Variants in PRAM1 observed in about 807,000 individuals in gnomAD.
PRAM1 encodes PML-RARA-regulated adapter molecule 1.
In PRAM1, 41 loss-of-function variants were observed where a neutral mutation model predicts 55.3. The ratio of observed to expected loss-of-function variants is 0.74; its 90% CI spans 0.58 to 0.96. The LOEUF (loss-of-function observed/expected upper bound fraction) is 0.96. Among genes scored for constraint, PRAM1 ranks in the 40% least tolerant of loss-of-function variants. PRAM1 has a pLI of 0.00. For missense variants in PRAM1, 898 were observed against 892.7 expected, an observed-to-expected ratio of 1.01 and a Z score of -0.08; for synonymous variants, 401 against 387.1, an observed-to-expected ratio of 1.04 and a Z score of -0.42.
At position 8,499,360 on chromosome 19, in the gene PRAM1, C is replaced by T. The variant is rs754712191; in HGVS notation, c.448G>A (p.Glu150Lys). The T allele has an allele frequency of 6.1e-5, 99 of 1,612,798 alleles. No homozygotes were observed. The highest frequency in any genetic ancestry group is 1.2e-4 in the Admixed American group (7 of 59,932). The change falls in exon 2 of 10, where the codon GAG becomes AAG. Residue 150 changes from glutamate to lysine, a missense_variant. Glu to Lys is a moderately conservative substitution (Grantham distance 56). Around this residue, in one of 4 missense-constraint regions of PRAM1, gnomAD observed 787 missense variants for 735.4 expected, o/e 1.07. Transcript: ENST00000423345. ...PRKPLQPEVG[E>K]APLKASLPEP... Reference sequence around the variant, plus strand: ...GGCAGCGAGGCCTTCAAAGGGGCCTCACCGACCTCAGGCTGCAGGGGCTTC... The same window carrying T: ...GGCAGCGAGGCCTTCAAAGGGGCCTTACCGACCTCAGGCTGCAGGGGCTTC...
chr19:8,501,727 G>A (rs1213670666), intron 1 of PRAM1, among the ~76,000 whole-genome samples: 1 of 152,042 alleles, frequency 6.6e-6, no homozygotes, highest in Non-Finnish European at 1.5e-5. Flanking sequence ...GCCTGGAGAC[G>A]GCCATGCGGT....
At chr19:8,496,595 C>T (rs183184554) in intron 4 of PRAM1, among the ~76,000 whole-genome samples, 34 of 151,026 alleles carry the variant, frequency 2.3e-4, no homozygotes, top group Admixed American at 1.6e-3. Context: ...CTTGGTGGCA[C>T]GTGCCTGTAA....
Position 8,499,449 on chromosome 19 carries a change from G to T in PRAM1, c.359C>A (p.Ser120Tyr), listed in dbSNP as rs1191797610. The change falls in exon 2 of 10, where the codon TCC becomes TAC. Residue 120 changes from serine (S) to tyrosine (Y), a missense_variant. Ser to Tyr is a moderately radical substitution (Grantham distance 144). This residue lies in a region of PRAM1 where 30 missense variants were observed against 44.6 expected (regional missense o/e 0.67). Transcript: ENST00000423345. Reference protein sequence around the residue: ...PEVTDLPKKPSKLELSDLSKK... With the variant: ...PEVTDLPKKPYKLELSDLSKK... ...GGAGAGGTCACTCAACTCCAGTTTGGACGGCTTCTTGGGGAGGTCAGTGAC... is the reference window on the plus strand; with the variant it reads ...GGAGAGGTCACTCAACTCCAGTTTGTACGGCTTCTTGGGGAGGTCAGTGAC... The T allele has an allele frequency of 3.1e-6, 5 of 1,611,942 alleles. No individual in the cohort carries two copies. The highest frequency in any genetic ancestry group is 4.2e-6 in the Non-Finnish European group (5 of 1,179,750).
Position 8,490,788 on chromosome 19 carries a change from T to C in PRAM1, c.1744-32A>G. On this transcript the variant is annotated intron_variant, in intron 6 of 9. Transcript: ENST00000423345. The surrounding 1 kb of genome is among the most constrained non-coding windows in gnomAD (Gnocchi z 7.3). Reference sequence around the variant, plus strand: ...CGCGAGATGTTAGGGCCTCTGCTTGTGCTGCCGCCCTTGGGCCCCTGTCTT... The same window carrying C: ...CGCGAGATGTTAGGGCCTCTGCTTGCGCTGCCGCCCTTGGGCCCCTGTCTT... The C allele has an allele frequency of 6.2e-7, 1 of 1,606,840 alleles. No homozygotes were observed. Among genetic ancestry groups the C allele is most frequent in the Non-Finnish European group, 8.5e-7 (1 of 1,178,958 alleles).
At position 8,498,689 on chromosome 19, in the gene PRAM1, C is replaced by T; in HGVS notation, c.1119G>A (p.Glu373=). ...SAVLKRHPQP[E]FFGDLPRKPP... ...GCTTTCGAGGGAGATCACCGAAGAA[C>T]TCAGGCTGCGGGTGTCTCTTGAGGA... Residue 373 remains glutamate (E), a synonymous_variant, in exon 2 of 10, where the codon GAG becomes GAA. Coordinates refer to ENST00000423345, the MANE Select transcript of PRAM1 (RefSeq NM_032152.5). The T allele has an allele frequency of 6.2e-7, 1 of 1,605,162 alleles. No individual in the cohort carries two copies. The highest frequency in any genetic ancestry group is 8.5e-7 in the Non-Finnish European group (1 of 1,176,314).
chr19:8,491,597 T>C (rs1599876748), intron 4 of PRAM1: 1 of 213,660 alleles, frequency 4.7e-6, no homozygotes, highest in Non-Finnish European at 9.5e-6. Context: ...TCCCACCAGG[T>C]CCCCTCCCAA....
chr19:8,496,072 G>T (rs1409222644), intron 4 of PRAM1: 1 of 456,066 alleles, frequency 2.2e-6, no homozygotes, highest in African/African-American at 2.0e-5. Flanking sequence ...CTGAGTTTCA[G>T]GCCCAAGTTC....
At chr19:8,494,231 G>C (rs1044909932) in intron 4 of PRAM1, among the ~76,000 whole-genome samples, 2 of 152,210 alleles carry the variant, frequency 1.3e-5, no homozygotes, top group African/African-American at 4.8e-5. Flanking sequence ...TCCTAGCCTC[G>C]GAAGAGGTGG....
chr19:8,490,586 G>C lies in PRAM1; in HGVS notation c.1906+8C>G. ...ACCTCCCGGGGCTGCGGGGCCGGGC[G>C]CACTCACATTTGCCTTTGGGGTCCC... On this transcript the variant is annotated splice_region_variant and intron_variant, in intron 7 of 9. Transcript: ENST00000423345. The surrounding 1 kb of genome is among the most constrained non-coding windows in gnomAD (Gnocchi z 7.3). 1 of 1,586,900 alleles carries C rather than the reference G, an allele frequency of 6.3e-7. No homozygotes were observed.
At chr19:8,491,040 G>T in intron 5 of PRAM1, 45 bp from the exon 6 acceptor site, 1 of 1,612,200 alleles carries the variant, frequency 6.2e-7, no homozygotes, top group Non-Finnish European at 8.5e-7. Flanking sequence ...AGCAAGTTGT[G>T]CTCCTCTGGG....
chr19:8,496,691 C>T (rs1266416861), intron 4 of PRAM1, among the ~76,000 whole-genome samples: 2 of 152,108 alleles, frequency 1.3e-5, no homozygotes, highest in Non-Finnish European at 2.9e-5. Flanking sequence ...CGGCACTGCA[C>T]TCCAGTCTGG....
Position 8,499,395 on chromosome 19 carries a change from G to A in PRAM1, c.413C>T (p.Pro138Leu), listed in dbSNP as rs569934245. 2.5e-6 allele frequency: 4 copies of A among 1,612,794 alleles called. No homozygotes were observed. The highest frequency in any genetic ancestry group is 1.3e-5 in the African/African-American group (1 of 74,966). The change falls in exon 2 of 10, where the codon CCG (proline) becomes CTG (leucine). Residue 138 changes from proline (P) to leucine (L), a missense_variant. By Grantham distance (98) the Pro-to-Leu change is moderately conservative. Around this residue, in one of 4 missense-constraint regions of PRAM1, gnomAD observed 787 missense variants for 735.4 expected, o/e 1.07. Coordinates refer to ENST00000423345, the MANE Select transcript of PRAM1 (RefSeq NM_032152.5). ...AGGCTGCAGGGGCTTCCTTGGAAAC[G>A]GAGTGGCCCCCAGCTGTGGGAACTT... ...SKKFPQLGATPFPRKPLQPEV... is the reference protein window; with the variant it reads ...SKKFPQLGATLFPRKPLQPEV...
chr19:8,494,885 G>A (rs1599878813), intron 4 of PRAM1, among the ~76,000 whole-genome samples: 1 of 150,906 alleles, frequency 6.6e-6, no homozygotes, highest in Admixed American at 6.6e-5. Flanking sequence ...CACCCGCCTT[G>A]GCCTCCCAAA....
Position 8,498,949 on chromosome 19 carries a change from G to A in PRAM1, c.859C>T (p.Gln287Ter). 1 of 1,613,930 alleles carries A rather than the reference G, an allele frequency of 6.2e-7. No individual in the cohort carries two copies. Among genetic ancestry groups the A allele is most frequent in the Non-Finnish European group, 8.5e-7 (1 of 1,179,828 alleles). ...CTGGTGAGGTCCCCAAGCTCAGGCT[G>A]CGGAGGCTTCTTGGGAAAGTCACTC... ...PLSDFPKKPP[Q>*]PELGDLTRTS... The change falls in exon 2 of 10, where the codon CAG becomes TAG. Residue 287 changes from glutamine to a stop codon, truncating the protein, a stop_gained. Transcript: ENST00000423345. LOFTEE classifies it high-confidence loss of function.
At position 8,499,076 on chromosome 19, in the gene PRAM1, A is replaced by G. The variant is rs947856648; in HGVS notation, c.732T>C (p.Pro244=). The change falls in exon 2 of 10, where the codon CCT becomes CCC. Residue 244 remains proline, a synonymous_variant. Coordinates refer to ENST00000423345, the MANE Select transcript of PRAM1 (RefSeq NM_032152.5). ...GGLPKKSVPQ[P]EFSEAAQTPL... The stretch of plus-strand genomic sequence containing the variant: ...GAGTCTGAGCGGCCTCGCTGAACTC[A>G]GGCTGCGGCACGGACTTCTTAGGGA... 2.5e-6 allele frequency: 4 copies of G among 1,613,414 alleles called. No individual in the cohort carries two copies. In the African/African-American group the frequency reaches 5.3e-5, roughly 22 times the overall value.
In PRAM1 at chr19:8,494,932, CT is replaced by C. The variant is rs769996945; in HGVS notation, c.1576+2831del. ...ACAGGCGTGAGCCACTGCGCCTGGC[CT>C]TTTTTTTTTTTTTCAACTGAGACAG... is the stretch of plus-strand genomic sequence containing the variant. On this transcript the variant is annotated intron_variant, in intron 4 of 9. Transcript: ENST00000423345. Among the ~76,000 whole-genome samples the C allele has an allele frequency of 7.2e-3, 982 of 135,706 alleles. 3 individuals are homozygous for C. The highest frequency in any genetic ancestry group is 9.8e-3 in the African/African-American group (367 of 37,290). 89.0% of individuals were successfully genotyped at this position (135,706 alleles called of 152,430 possible).
rs116038361 is a variant in PRAM1, at chr19:8,498,950, C to A, written c.858G>T (p.Pro286=). Residue 286 remains proline (P), a synonymous_variant, in exon 2 of 10, where the codon CCG becomes CCT. Coordinates refer to ENST00000423345, the MANE Select transcript of PRAM1 (RefSeq NM_032152.5). Reference sequence around the variant, plus strand: ...TGGTGAGGTCCCCAAGCTCAGGCTGCGGAGGCTTCTTGGGAAAGTCACTCA... The same window carrying A: ...TGGTGAGGTCCCCAAGCTCAGGCTGAGGAGGCTTCTTGGGAAAGTCACTCA... ...PPLSDFPKKP[P]QPELGDLTRT... 1 of 1,613,846 alleles carries A rather than the reference C, an allele frequency of 6.2e-7. No homozygotes were observed. Among genetic ancestry groups the A allele is most frequent in the African/African-American group, 1.3e-5 (1 of 75,026 alleles).
chr19:8,490,514 GGA>G lies in PRAM1; in HGVS notation c.1907-7_1907-6del, dbSNP rs543663237. ...CTGTTCTGGGCACGTAGCCATCTGT[GGA>G]GAGAGTGGGCATGGTGGGTTCTGAG... On this transcript the variant is annotated splice_region_variant and splice_polypyrimidine_tract_variant and intron_variant, in intron 7 of 9. Transcript: ENST00000423345. This position sits in a 1 kb window ranked among gnomAD's most constrained non-coding sequence, Gnocchi z 7.3. 2.4e-4 allele frequency: 388 copies of G among 1,610,392 alleles called. No homozygotes were observed. In the African/African-American group the frequency reaches 3.5e-3, roughly 15 times the overall value.
At chr19:8,497,991 C>T (rs924507736) in intron 3 of PRAM1, among the ~76,000 whole-genome samples, 151 bp from the exon 4 acceptor site, 1 of 149,116 alleles carries the variant, frequency 6.7e-6, no homozygotes. Context: ...AAGCGATTCT[C>T]CTGCCTCAGC....
Sources: gnomAD v4.1 joint callset for allele counts (sites outside exome capture counted in the v4.1 genomes callset) on GRCh38, gnomAD v4.1.1 for gene constraint, gnomAD v4.1.1 regional missense constraint, Gnocchi (gnomAD v3.1) non-coding constraint, MANE v1.5 for transcripts, NCBI Gene and HGNC (gene_info 2026-07-23, HGNC 2026-07-21) for gene names.